The following ETV6 variants were observed in gnomAD, a reference collection of about 807,000 sequenced individuals.
ETV6 encodes transcription factor ETV6.
ETV6 carries 16 observed loss-of-function variants against 51.1 expected under a neutral mutation model. That is an observed-to-expected ratio of 0.31 (90% confidence interval 0.21 to 0.48). ETV6 has a LOEUF of 0.48. Among genes scored for constraint, ETV6 ranks in the 20% least tolerant of loss-of-function variants. The pLI is 0.99. For synonymous variants in ETV6, 240 were observed against 224.1 expected, an observed-to-expected ratio of 1.07 and a Z score of -0.64; for missense variants, 458 against 594.8, an observed-to-expected ratio of 0.77 and a Z score of 2.39.
chr12:11,650,344 T>TC lies in ETV6; in HGVS notation c.33+191dup, dbSNP rs145552837. ...GTACCCTTTAGCGTAACCTTGCTAC[T>TC]CCCCCCCACCGCCGAGCCCCTGCCG... is the stretch of plus-strand genomic sequence containing the variant. On this transcript the variant is annotated intron_variant, in intron 1 of 7. Transcript: ENST00000396373. Among the ~76,000 whole-genome samples, 86,032 of 127,150 alleles carry TC rather than the reference T, an allele frequency of 0.68. 32,531 individuals carry two copies. Among genetic ancestry groups the TC allele is most frequent in the Non-Finnish European group, 0.83 (50,807 of 60,880 alleles). 83.4% of individuals were successfully genotyped at this position (127,150 alleles called of 152,430 possible).
chr12:11,762,172 T>G (rs200202609), intron 2 of ETV6, among the ~76,000 whole-genome samples: 1 of 152,096 alleles, frequency 6.6e-6, no homozygotes, highest in South Asian at 2.1e-4. Flanking sequence ...CTAAAGACTG[T>G]CCCTGCCACT....
rs754405842 is a variant in ETV6 at position 11,752,469 on chromosome 12, C to T, written c.53C>T (p.Thr18Ile). The T allele has an allele frequency of 2.5e-6, 4 of 1,612,896 alleles. No homozygotes were observed. Among genetic ancestry groups the T allele is most frequent in the Non-Finnish European group, 3.4e-6 (4 of 1,179,208 alleles). The change falls in exon 2 of 8, where the codon ACA (threonine) becomes ATA (isoleucine). Residue 18 changes from threonine (T) to isoleucine (I), a missense_variant. By Grantham distance (89) the Thr-to-Ile change is moderately conservative. Coordinates refer to ENST00000396373, the MANE Select transcript of ETV6 (RefSeq NM_001987.5). ...TAACAGCAGGAACGAATTTCATATA[C>T]ACCTCCAGAGAGCCCAGTGCCGAGT... ...CSIKQERISY[T>I]PPESPVPSYA... is the part of the protein sequence containing the mutation.
chr12:11,859,067 G>C (rs1023228249), intron 4 of ETV6, among the ~76,000 whole-genome samples: 3 of 142,044 alleles, frequency 2.1e-5, no homozygotes, highest in Admixed American at 7.1e-5. Context: ...GCAGAAGGAA[G>C]TTGTATACAA....
intron 1 of ETV6, among the ~76,000 whole-genome samples, chr12:11,745,985 A>G (rs2121039516): frequency 6.6e-6 from 1 of 152,306 alleles, no homozygotes; most frequent in South Asian, 2.1e-4. Context: ...GGGTCATGCC[A>G]TGAGAACTTT....
In ETV6 at chr12:11,832,828, C is replaced by T. The variant is rs577726048; in HGVS notation, c.164-6312C>T. On this transcript the variant is annotated intron_variant, in intron 2 of 7. Transcript: ENST00000396373. ...TGGATTGATCATTGAACAACTCTTC[C>T]CAAAAGGAGTCAATAACTTGATCAG... 2.0e-5 allele frequency among the ~76,000 whole-genome samples: 3 copies of T among 152,258 alleles called. No homozygotes were observed. In the East Asian group the frequency reaches 5.8e-4, roughly 29 times the overall value.
intron 3 of ETV6, among the ~76,000 whole-genome samples, chr12:11,841,943 G>A (rs999836987): frequency 1.5e-4 from 23 of 151,454 alleles, no homozygotes; most frequent in Non-Finnish European, 2.1e-4. Flanking sequence ...TTAGCCGGGC[G>A]TAGTGGCGGG....
Position 11,875,530 on chromosome 12 carries a change from G to A in ETV6, c.1009+5561G>A, listed in dbSNP as rs1186246412. Among the ~76,000 whole-genome samples the A allele has an allele frequency of 2.0e-5, 3 of 152,132 alleles. No homozygotes were observed. In the East Asian group the frequency reaches 5.8e-4, roughly 29 times the overall value. On this transcript the variant is annotated intron_variant, in intron 5 of 7. Coordinates refer to ENST00000396373, the MANE Select transcript of ETV6 (RefSeq NM_001987.5). ...GTGTTTCAAAGCCAGAAAGTATATT[G>A]GCCACAAGCACCTGTAGGTGGCTGA...
At chr12:11,827,445 G>A (rs1307142060) in intron 2 of ETV6, among the ~76,000 whole-genome samples, 1 of 152,188 alleles carries the variant, frequency 6.6e-6, no homozygotes, top group Non-Finnish European at 1.5e-5. Context: ...TGGAGGTGCT[G>A]TAGGTCAGAT....
intron 1 of ETV6, among the ~76,000 whole-genome samples, chr12:11,713,282 T>A (rs1865206597): frequency 6.6e-6 from 1 of 152,248 alleles, no homozygotes; most frequent in African/African-American, 2.4e-5. Context: ...ACGTGTGCAT[T>A]GCCTTTGCTT....
chr12:11,671,350 A>T (rs2856310), intron 1 of ETV6, among the ~76,000 whole-genome samples: 9 of 152,092 alleles, frequency 5.9e-5, no homozygotes, highest in Admixed American at 2.6e-4. Context: ...GTTCTGACTG[A>T]GAGGCACTTG....
chr12:11,653,957 T>C (rs1863954228), intron 1 of ETV6, among the ~76,000 whole-genome samples: 2 of 151,876 alleles, frequency 1.3e-5, no homozygotes, highest in East Asian at 1.9e-4. Flanking sequence ...GGATTACAGG[T>C]GCCCGCCACC....
At chr12:11,839,433 A>G in intron 3 of ETV6, 129 bp downstream of exon 3, 1 of 893,682 alleles carries the variant, frequency 1.1e-6, no homozygotes. Context: ...ATGACGATGG[A>G]AGGAAGTTGA....
chr12:11,776,749 A>G, intron 2 of ETV6, among the ~76,000 whole-genome samples: 1 of 152,214 alleles, frequency 6.6e-6, no homozygotes, highest in Non-Finnish European at 1.5e-5. Context: ...CTTCAGCAAT[A>G]TGGGTAAAGG....
intron 1 of ETV6, among the ~76,000 whole-genome samples, chr12:11,696,545 G>A (rs1467340917): frequency 3.3e-5 from 5 of 152,166 alleles, no homozygotes; most frequent in African/African-American, 4.8e-5. Context: ...CCAGCCAGGC[G>A]CAGTGGCTCA....
chr12:11,751,260 T>C (rs1329246307), intron 1 of ETV6: 10 of 499,374 alleles, frequency 2.0e-5, no homozygotes, highest in Non-Finnish European at 4.0e-5. Flanking sequence ...TTTGATGAGA[T>C]GTAAAATGTT....
At chr12:11,741,991 A>G (rs768236617) in intron 1 of ETV6, among the ~76,000 whole-genome samples, 4 of 152,250 alleles carry the variant, frequency 2.6e-5, no homozygotes, top group Non-Finnish European at 5.9e-5. Context: ...TAATACACAG[A>G]TAATAGCCAG....
chr12:11,889,168 T>C (rs11054484), intron 7 of ETV6, among the ~76,000 whole-genome samples: 16,273 of 152,162 alleles, frequency 0.11, 1,192 homozygotes, highest in Non-Finnish European at 0.16. Flanking sequence ...GGGCTCTTTA[T>C]TGACTTCGGA....
intron 5 of ETV6, among the ~76,000 whole-genome samples, chr12:11,877,319 A>G (rs1367546026): frequency 7.5e-6 from 1 of 132,876 alleles, no homozygotes; most frequent in South Asian, 2.3e-4. Context: ...TTTTTTTTTT[A>G]ATTTTGTACA....
chr12:11,869,585 A>G lies in ETV6; in HGVS notation c.625A>G (p.Ile209Val). The G allele has an allele frequency of 1.2e-6, 2 of 1,614,090 alleles. No homozygotes were observed. Among genetic ancestry groups the G allele is most frequent in the Non-Finnish European group, 1.7e-6 (2 of 1,180,016 alleles). The change falls in exon 5 of 8, where the codon ATC becomes GTC. Residue 209 changes from isoleucine to valine, a missense_variant. By Grantham distance (29) the Ile-to-Val change is conservative. Transcript: ENST00000396373. This position sits in a 1 kb window ranked among gnomAD's most constrained non-coding sequence, Gnocchi z 5.0. ...RPLRSPLDNM[I>V]RRLSPAERAQ... ...CCTCCGGTCCCCCCTGGACAACATG[A>G]TCCGCCGCCTCTCCCCGGCTGAGAG...
Sources: allele counts gnomAD v4.1 joint callset (sites outside exome capture counted in the v4.1 genomes callset), GRCh38; gene constraint gnomAD v4.1.1; non-coding constraint Gnocchi (gnomAD v3.1); transcripts MANE v1.5; gene names NCBI Gene and HGNC (gene_info 2026-07-23, HGNC 2026-07-21).